ANXA8: variants seen among roughly 807,000 people sequenced by gnomAD.
The protein encoded by ANXA8 is annexin A8.
ANXA8 carries 9 observed loss-of-function variants against 26.8 expected under a neutral mutation model. The ratio of observed to expected loss-of-function variants is 0.34; its 90% confidence interval spans 0.20 to 0.59. The LOEUF (loss-of-function observed/expected upper bound fraction) is 0.59. ANXA8 is among the 20% of genes least tolerant of loss of function. The pLI is 0.84. For synonymous variants in ANXA8, 39 were observed against 94.8 expected (o/e 0.41, Z 3.42); for missense variants, 83 against 238.5 (o/e 0.35, Z 4.29).
chr10:47,727,587 T>C, the ANXA8 span, among the ~76,000 whole-genome samples: 1 of 137,016 alleles, frequency 7.3e-6, no homozygotes, highest in Non-Finnish European at 1.6e-5. Flanking sequence ...GAAACAGGCA[T>C]GCCTCTTCTG....
At chr10:47,669,587 C>G in the ANXA8 span, among the ~76,000 whole-genome samples, 1 of 151,606 alleles carries the variant, frequency 6.6e-6, no homozygotes, top group Non-Finnish European at 1.5e-5. Context: ...TGGTGGTGCA[C>G]GCCTGTGGTC....
At chr10:47,918,431 A>G in the ANXA8 span, among the ~76,000 whole-genome samples, 161 of 31,080 alleles carry the variant, frequency 5.2e-3, 6 homozygotes, top group East Asian at 0.035. Flanking sequence ...GAAAGAAAGA[A>G]AGAGAGAGAG....
chr10:47,761,102 G>GCACACACACA, the ANXA8 span, among the ~76,000 whole-genome samples: 8 of 145,440 alleles, frequency 5.5e-5, no homozygotes, highest in Admixed American at 1.4e-4. Context: ...ACACACACAC[G>GCACACACACA]CACACACACA....
the ANXA8 span, among the ~76,000 whole-genome samples, chr10:47,639,311 A>ATT: frequency 0.034 from 2,004 of 58,246 alleles, 5 homozygotes; most frequent in African/African-American, 0.041. Context: ...TATTATTATT[A>ATT]TTATTTTTTT....
the ANXA8 span, among the ~76,000 whole-genome samples, chr10:47,553,144 C>G: frequency 6.6e-6 from 1 of 151,988 alleles, no homozygotes; most frequent in Admixed American, 6.5e-5. Flanking sequence ...CGAACTTGTA[C>G]TGTTTCTCTC....
chr10:47,639,355 C>T, the ANXA8 span, among the ~76,000 whole-genome samples: 1 of 142,988 alleles, frequency 7.0e-6, no homozygotes, highest in Non-Finnish European at 1.5e-5. Flanking sequence ...CTCTTTCGCC[C>T]AGGCCGGAGT....
upstream of ANXA8, among the ~76,000 whole-genome samples, chr10:47,488,712 A>ATTTTTT (rs1840088979): frequency 6.3e-5 from 6 of 95,954 alleles, no homozygotes; most frequent in Admixed American, 1.2e-4. Flanking sequence ...TTACATGTTA[A>ATTTTTT]ATTTTTTTTT....
At chr10:47,507,922 T>A in the ANXA8 span, among the ~76,000 whole-genome samples, 2 of 85,028 alleles carry the variant, frequency 2.4e-5, no homozygotes, top group Non-Finnish European at 4.5e-5. Context: ...TGACCCAGAG[T>A]CTGTCTCTCT....
the ANXA8 span, among the ~76,000 whole-genome samples, chr10:47,703,517 G>A: frequency 4.0e-5 from 6 of 150,190 alleles, no homozygotes; most frequent in East Asian, 2.0e-4. Context: ...GCAGTGAGCC[G>A]TGATCATGCC....
At chr10:47,501,233 G>A in the ANXA8 span, among the ~76,000 whole-genome samples, 1 of 137,108 alleles carries the variant, frequency 7.3e-6, no homozygotes, top group African/African-American at 2.7e-5. Flanking sequence ...TTTTTTAGTA[G>A]AGATGGGGTT....
the ANXA8 span, among the ~76,000 whole-genome samples, chr10:47,594,667 T>G: frequency 1.3e-5 from 2 of 148,498 alleles, no homozygotes; most frequent in Non-Finnish European, 2.9e-5. Context: ...AGGAAACACT[T>G]CAAAGCTTGA....
upstream of ANXA8, among the ~76,000 whole-genome samples, chr10:47,489,049 G>C (rs1216022121): frequency 7.2e-6 from 1 of 138,212 alleles, no homozygotes; most frequent in Admixed American, 7.4e-5. Context: ...ACCGAGTCTT[G>C]CTCTGTAGCC....
chr10:47,594,936 A>G, the ANXA8 span, among the ~76,000 whole-genome samples: 7 of 149,430 alleles, frequency 4.7e-5, no homozygotes. Context: ...CACTATAAAG[A>G]CAGCCATCCC....
chr10:47,947,546 G>C, the ANXA8 span, among the ~76,000 whole-genome samples: 4 of 150,522 alleles, frequency 2.7e-5, no homozygotes, highest in African/African-American at 7.4e-5. Context: ...GAGAGGCCTG[G>C]GGGGAGATGA....
At chr10:47,503,923 G>T in the ANXA8 span, among the ~76,000 whole-genome samples, 1 of 42,580 alleles carries the variant, frequency 2.3e-5, no homozygotes. Context: ...CTGGGCTACA[G>T]AAAGAGAGTC....
the ANXA8 span, among the ~76,000 whole-genome samples, chr10:47,959,449 G>A: frequency 6.7e-6 from 1 of 149,868 alleles, no homozygotes; most frequent in South Asian, 2.1e-4. Flanking sequence ...GTCACACATT[G>A]GATGTGCTTA....
chr10:47,958,430 G>T, the ANXA8 span, among the ~76,000 whole-genome samples: 1 of 146,432 alleles, frequency 6.8e-6, no homozygotes, highest in Non-Finnish European at 1.5e-5. Flanking sequence ...AGTCAGCCGA[G>T]ATCGAGCCAC....
At chr10:47,985,721 C>T in the ANXA8 span, 1 of 94,064 alleles carries the variant, frequency 1.1e-5, no homozygotes, top group Non-Finnish European at 2.3e-5. Context: ...CATCCATAAA[C>T]CCCAAAGCAA....
chr10:47,735,336 C>T, the ANXA8 span, among the ~76,000 whole-genome samples: 26 of 146,562 alleles, frequency 1.8e-4, no homozygotes, highest in East Asian at 3.8e-3. Flanking sequence ...CTCAACCGAC[C>T]CTCTTGCCTT....
Sources: gnomAD v4.1 joint callset for allele counts (sites outside exome capture counted in the v4.1 genomes callset) on GRCh38, gnomAD v4.1.1 for gene constraint, MANE v1.5 for transcripts, NCBI Gene and HGNC (gene_info 2026-07-23, HGNC 2026-07-21) for gene names.